The following DCC variants were observed in gnomAD, a reference collection of about 807,000 sequenced individuals.
DCC encodes netrin receptor DCC.
DCC carries 58 observed loss-of-function variants against 172.5 expected under a neutral mutation model. The ratio of observed to expected loss-of-function variants is 0.34; its 90% confidence interval spans 0.27 to 0.42. The LOEUF (loss-of-function observed/expected upper bound fraction) is 0.42. Among genes scored for constraint, DCC ranks in the 10% least tolerant of loss-of-function variants. The pLI is 1.00. For synonymous variants in DCC, 709 were observed against 644.5 expected, an observed-to-expected ratio of 1.10 and a Z score of -1.52; for missense variants, 1,740 against 1,791.0, an observed-to-expected ratio of 0.97 and a Z score of 0.51.
At chr18:53,209,132 C>G (rs1251012713) in intron 11 of DCC, among the ~76,000 whole-genome samples, 1 of 152,194 alleles carries the variant, frequency 6.6e-6, no homozygotes, top group Non-Finnish European at 1.5e-5. Context: ...CAGGGTCTCA[C>G]TTTGTTGCCC....
intron 1 of DCC, among the ~76,000 whole-genome samples, chr18:52,566,644 T>G (rs971256185): frequency 6.6e-6 from 1 of 152,012 alleles, no homozygotes; most frequent in Non-Finnish European, 1.5e-5. Flanking sequence ...ATTTTAAATT[T>G]AAAAAAATGA....
intron 2 of DCC, among the ~76,000 whole-genome samples, chr18:52,838,216 T>A (rs1437418081): frequency 6.6e-6 from 1 of 152,222 alleles, no homozygotes; most frequent in Non-Finnish European, 1.5e-5. Context: ...CTTTATAAAA[T>A]TTTTATTTGA....
chr18:52,878,665 ATTTG>A (rs1424308288), intron 2 of DCC, among the ~76,000 whole-genome samples: 2 of 152,116 alleles, frequency 1.3e-5, no homozygotes, highest in African/African-American at 2.4e-5. Flanking sequence ...ATTTTTACTT[ATTTG>A]TTTATTATCT....
intron 15 of DCC, among the ~76,000 whole-genome samples, chr18:53,365,355 G>C (rs1412921750): frequency 6.7e-6 from 1 of 149,990 alleles, no homozygotes; most frequent in African/African-American, 2.5e-5. Flanking sequence ...CCAAGTCTTT[G>C]CTATTGTGCA....
chr18:52,614,946 C>G (rs1247175628), intron 1 of DCC, among the ~76,000 whole-genome samples: 2 of 152,028 alleles, frequency 1.3e-5, no homozygotes, highest in East Asian at 1.9e-4. Flanking sequence ...TCCCTCTCCC[C>G]CTTTTCACTC....
At chr18:53,163,015 A>T (rs1270581525) in intron 8 of DCC, among the ~76,000 whole-genome samples, 1 of 152,176 alleles carries the variant, frequency 6.6e-6, no homozygotes, top group Non-Finnish European at 1.5e-5. Context: ...TAGTCCTCCA[A>T]CTCAGAATTC....
intron 5 of DCC, among the ~76,000 whole-genome samples, chr18:53,053,963 A>G (rs2042368570): frequency 6.6e-6 from 1 of 152,128 alleles, no homozygotes; most frequent in African/African-American, 2.4e-5. Context: ...GTGTGATCAT[A>G]TATTTTATAT....
At chr18:53,189,223 GTA>G (rs1055578588) in intron 9 of DCC, among the ~76,000 whole-genome samples, 1 of 151,918 alleles carries the variant, frequency 6.6e-6, no homozygotes, top group African/African-American at 2.4e-5. Flanking sequence ...ATGTGTATAT[GTA>G]TATATGTGTG....
chr18:52,872,242 GA>G (rs981360870), intron 2 of DCC, among the ~76,000 whole-genome samples: 29 of 152,294 alleles, frequency 1.9e-4, no homozygotes, highest in African/African-American at 6.7e-4. Flanking sequence ...TATGGGAGGG[GA>G]AGAAAAGGAC....
In DCC at chr18:53,015,424, T is replaced by C. The variant is rs547168411; in HGVS notation, c.986-47881T>C. On this transcript the variant is annotated intron_variant, in intron 5 of 28. Coordinates refer to ENST00000442544, the MANE Select transcript of DCC (RefSeq NM_005215.4). The stretch of plus-strand genomic sequence containing the variant: ...AATTTTAGATTTCCTCTAGCTCAAG[T>C]TTATTGAACACTTTGTTTCTGATGT... Among the ~76,000 whole-genome samples the C allele has an allele frequency of 2.0e-5, 3 of 152,248 alleles. No homozygotes were observed. The East Asian group carries it at 5.8e-4, about 29-fold the overall frequency.
At chr18:53,484,600 T>C (rs1321557887) in intron 25 of DCC, among the ~76,000 whole-genome samples, 9 of 152,202 alleles carry the variant, frequency 5.9e-5, no homozygotes, top group Non-Finnish European at 1.3e-4. Flanking sequence ...TTTGTGTTAA[T>C]TTTTCTGTAT....
chr18:53,409,349 G>A (rs1451176743), intron 19 of DCC, among the ~76,000 whole-genome samples: 1 of 152,134 alleles, frequency 6.6e-6, no homozygotes, highest in Non-Finnish European at 1.5e-5. Context: ...GAAAGAATAG[G>A]TAAATCAAAG....
At chr18:52,674,690 G>C (rs2035618407) in intron 1 of DCC, among the ~76,000 whole-genome samples, 1 of 152,288 alleles carries the variant, frequency 6.6e-6, no homozygotes, top group Non-Finnish European at 1.5e-5. Context: ...TAAGTTGGGA[G>C]TAGAACCCAA....
At chr18:52,528,067 C>A (rs2032036657) in intron 1 of DCC, among the ~76,000 whole-genome samples, 1 of 152,122 alleles carries the variant, frequency 6.6e-6, no homozygotes, top group Non-Finnish European at 1.5e-5. Flanking sequence ...GATATAGAAT[C>A]TTGTTATGGA....
intron 1 of DCC, among the ~76,000 whole-genome samples, chr18:52,386,107 C>T (rs1985789108): frequency 6.6e-6 from 1 of 152,052 alleles, no homozygotes; most frequent in African/African-American, 2.4e-5. Context: ...TATTAGCCAA[C>T]ATTAATGTTA....
chr18:52,540,765 C>G (rs553829510), intron 1 of DCC, among the ~76,000 whole-genome samples: 3 of 151,954 alleles, frequency 2.0e-5, no homozygotes, highest in Admixed American at 6.6e-5. Flanking sequence ...CGCCACCACG[C>G]CCAGCTAATT....
chr18:52,583,937 T>C (rs1053790358), intron 1 of DCC, among the ~76,000 whole-genome samples: 2 of 152,248 alleles, frequency 1.3e-5, no homozygotes, highest in South Asian at 2.1e-4. Flanking sequence ...TTATTCTCTT[T>C]ATGTATTTTG....
chr18:52,807,027 T>C (rs11875222), intron 2 of DCC, among the ~76,000 whole-genome samples: 6,408 of 152,262 alleles, frequency 0.042, 166 homozygotes, highest in Admixed American at 0.057. Flanking sequence ...ACCGTATCTC[T>C]ACTAAACACA....
intron 1 of DCC, among the ~76,000 whole-genome samples, chr18:52,596,578 GAT>G (rs1392426736): frequency 2.0e-5 from 3 of 152,162 alleles, no homozygotes; most frequent in Non-Finnish European, 4.4e-5. Context: ...AGATAATTCT[GAT>G]ACACATCTGA....
Sources: gnomAD v4.1 joint callset for allele counts (sites outside exome capture counted in the v4.1 genomes callset) on GRCh38, gnomAD v4.1.1 for gene constraint, MANE v1.5 for transcripts, NCBI Gene and HGNC (gene_info 2026-07-23, HGNC 2026-07-21) for gene names.